The following SLC9C1 variants were observed in gnomAD, a reference collection of about 807,000 sequenced individuals.
The protein encoded by SLC9C1 is solute carrier family 9 member C1, also known as sodium/hydrogen exchanger 10.
SLC9C1 carries 97 observed loss-of-function variants against 140.9 expected under a neutral mutation model. The observed-to-expected ratio is 0.69, with a 90% confidence interval of 0.58 to 0.82. SLC9C1 has a LOEUF of 0.82. Ranked by LOEUF, SLC9C1 falls within the 40% of genes least tolerant of loss-of-function variation. The pLI, the probability that SLC9C1 is intolerant of heterozygous loss-of-function variation, is 0.00. For synonymous variants in SLC9C1, 440 were observed against 442.6 expected (o/e 0.99, Z 0.07); for missense variants, 1,340 against 1,389.3 (o/e 0.96, Z 0.56).
intron 23 of SLC9C1, among the ~76,000 whole-genome samples, chr3:112,170,861 T>C (rs2077232792): frequency 6.6e-6 from 1 of 152,208 alleles, no homozygotes; most frequent in South Asian, 2.1e-4. Context: ...AAAACCACTG[T>C]TCAAATTAAA....
At position 112,186,187 on chromosome 3, in the gene SLC9C1, T is replaced by C. The variant is rs1300144636; in HGVS notation, c.2524-3929A>G. Among the ~76,000 whole-genome samples, 6 of 152,224 alleles carry C rather than the reference T, an allele frequency of 3.9e-5. No individual in the cohort carries two copies. In the South Asian group the frequency reaches 1.0e-3, roughly 26 times the overall value. The stretch of plus-strand genomic sequence containing the variant: ...TATCCTCTACCTTTTTGTGGACTTT[T>C]AGTTCTCTTAATTTTTTAATGAAGA... On this transcript the variant is annotated intron_variant, in intron 20 of 28. Transcript: ENST00000305815.
At chr3:112,194,045 C>G (rs570444741) in intron 20 of SLC9C1, among the ~76,000 whole-genome samples, 1 of 152,162 alleles carries the variant, frequency 6.6e-6, no homozygotes, top group South Asian at 2.1e-4. Context: ...ACAAATGGCT[C>G]TGGTGTCAAG....
chr3:112,283,992 C>A, intron 2 of SLC9C1, among the ~76,000 whole-genome samples: 1 of 152,036 alleles, frequency 6.6e-6, no homozygotes, highest in East Asian at 1.9e-4. Context: ...CCTCCGCGAC[C>A]CCAAGGATTA....
At chr3:112,267,887 A>C (rs1232005508) in intron 7 of SLC9C1, among the ~76,000 whole-genome samples, 1 of 152,152 alleles carries the variant, frequency 6.6e-6, no homozygotes, top group Non-Finnish European at 1.5e-5. Context: ...GTGATGGTGA[A>C]GTCAGGAAAA....
chr3:112,253,473 C>G (rs139674613), intron 10 of SLC9C1, among the ~76,000 whole-genome samples: 7 of 152,340 alleles, frequency 4.6e-5, no homozygotes, highest in Non-Finnish European at 8.8e-5. Flanking sequence ...CTAACCACCA[C>G]CTACTGGTTC....
chr3:112,283,488 A>AG, intron 2 of SLC9C1, among the ~76,000 whole-genome samples: 1 of 110,992 alleles, frequency 9.0e-6, no homozygotes, highest in East Asian at 3.5e-4. Flanking sequence ...AAAAAAAAAA[A>AG]AAAAAAAGAA....
rs144238582 is a variant in SLC9C1, at chr3:112,208,482, A to G, written c.1791-109T>C. On this transcript the variant is annotated intron_variant, in intron 15 of 28. Transcript: ENST00000305815. ...AACAGCTGCAGAGCCTTCTTTAATA[A>G]TTCTGAAAGCAGCCACCACTAGCTA... The G allele has an allele frequency of 4.3e-4, 311 of 720,400 alleles. 4 individuals carry two copies. In the East Asian group the frequency reaches 7.4e-3, roughly 17 times the overall value. The allele number at this position is 720,400 out of a possible 1,614,324, so 44.6% of individuals were successfully genotyped here.
chr3:112,265,505 A>G lies in SLC9C1; in HGVS notation c.878+733T>C, dbSNP rs189417704. On this transcript the variant is annotated intron_variant, in intron 8 of 28. Transcript: ENST00000305815. ...AGCTTCTTATATCAGAATTAATTCT[A>G]TCTTCTATAACGTTGTCCCAAAACT... Among the ~76,000 whole-genome samples, 289 of 152,214 alleles carry G rather than the reference A, an allele frequency of 1.9e-3. 1 individual carries two copies. The highest frequency in any genetic ancestry group is 6.5e-3 in the African/African-American group (269 of 41,558).
chr3:112,243,572 A>C (rs1393653674), intron 11 of SLC9C1, among the ~76,000 whole-genome samples: 1 of 152,186 alleles, frequency 6.6e-6, no homozygotes, highest in Non-Finnish European at 1.5e-5. Flanking sequence ...CTTGGTGATG[A>C]GATCTGTACC....
chr3:112,180,293 G>A (rs564316892), intron 22 of SLC9C1, among the ~76,000 whole-genome samples: 2 of 152,262 alleles, frequency 1.3e-5, no homozygotes, highest in African/African-American at 4.8e-5. Flanking sequence ...AGGCTGAGGC[G>A]GGCGGATCAC....
At chr3:112,238,704 G>A (rs1285953412) in intron 12 of SLC9C1, among the ~76,000 whole-genome samples, 2 of 152,194 alleles carry the variant, frequency 1.3e-5, no homozygotes, top group Non-Finnish European at 2.9e-5. Flanking sequence ...AAGTCTGCTG[G>A]AGTTTGCTGG....
In SLC9C1 at chr3:112,150,843, T is replaced by A. The variant is rs1031491829; in HGVS notation, c.3524+1014A>T. 4.8e-3 allele frequency among the ~76,000 whole-genome samples: 456 copies of A among 94,372 alleles called. 2 individuals are homozygous for A. The highest frequency in any genetic ancestry group is 0.048 in the Middle Eastern group (8 of 166). The allele number at this position is 94,372 out of a possible 152,430, so 61.9% of individuals were successfully genotyped here. A position where few individuals can be genotyped will look rare whatever the true frequency, so the allele number is the denominator to read the frequency against. On this transcript the variant is annotated intron_variant, in intron 28 of 28. Coordinates refer to ENST00000305815, the MANE Select transcript of SLC9C1 (RefSeq NM_183061.3). Reference sequence around the variant, plus strand: ...ATACATATATATATATATATATATTTTTTTTTTTTTTTGAGATGAAGTCTC... The same window carrying A: ...ATACATATATATATATATATATATTATTTTTTTTTTTTGAGATGAAGTCTC...
intron 10 of SLC9C1, among the ~76,000 whole-genome samples, chr3:112,247,601 G>A (rs1027248498): frequency 5.9e-5 from 9 of 152,056 alleles, no homozygotes; most frequent in African/African-American, 1.2e-4. Context: ...TGAAAGTGGC[G>A]TCCATCCACC....
At chr3:112,206,721 T>C (rs2078061150) in intron 16 of SLC9C1, among the ~76,000 whole-genome samples, 1 of 151,960 alleles carries the variant, frequency 6.6e-6, no homozygotes, top group Admixed American at 6.6e-5. Context: ...GAAACCATCA[T>C]TCTGAGCAAA....
chr3:112,215,785 G>T (rs1379741648), intron 15 of SLC9C1, among the ~76,000 whole-genome samples: 1 of 152,142 alleles, frequency 6.6e-6, no homozygotes, highest in Non-Finnish European at 1.5e-5. Context: ...ACTGCCCAAG[G>T]TAATTTATAG....
intron 26 of SLC9C1, among the ~76,000 whole-genome samples, chr3:112,164,170 G>A (rs2075393262): frequency 6.6e-6 from 1 of 151,690 alleles, no homozygotes; most frequent in African/African-American, 2.4e-5. Flanking sequence ...GTGTGTCTCT[G>A]CACGTGAATT....
chr3:112,230,090 G>T (rs1462097540), intron 13 of SLC9C1, among the ~76,000 whole-genome samples: 1 of 152,100 alleles, frequency 6.6e-6, no homozygotes, highest in East Asian at 1.9e-4. Flanking sequence ...TGGCTGTTCA[G>T]GTTCACCTAT....
chr3:112,245,276 G>A (rs745370337), intron 10 of SLC9C1, among the ~76,000 whole-genome samples: 12 of 152,120 alleles, frequency 7.9e-5, no homozygotes, highest in Non-Finnish European at 1.2e-4. Context: ...TCTTTTTGAA[G>A]AAGTGTCTGT....
At chr3:112,236,111 G>T (rs1249879661) in intron 12 of SLC9C1, among the ~76,000 whole-genome samples, 1 of 152,020 alleles carries the variant, frequency 6.6e-6, no homozygotes, top group Non-Finnish European at 1.5e-5. Context: ...GACTTTTTTT[G>T]GTTGGTAAGC....
Sources: gnomAD v4.1 joint callset for allele counts (sites outside exome capture counted in the v4.1 genomes callset) on GRCh38, gnomAD v4.1.1 for gene constraint, MANE v1.5 for transcripts, NCBI Gene and HGNC (gene_info 2026-07-23, HGNC 2026-07-21) for gene names.